SRGAP3: variants seen among roughly 807,000 people sequenced by gnomAD.
SRGAP3 encodes SLIT-ROBO Rho GTPase-activating protein 3.
A neutral mutation model predicts 121.1 loss-of-function variants in SRGAP3; 39 were observed. The ratio of observed to expected loss-of-function variants is 0.32; its 90% CI spans 0.25 to 0.42. SRGAP3 has a LOEUF of 0.42. Ranked by LOEUF, SRGAP3 falls within the 10% of genes least tolerant of loss-of-function variation. SRGAP3 has a pLI of 1.00. For synonymous variants in SRGAP3, 601 were observed against 570.0 expected, an observed-to-expected ratio of 1.05 and a Z score of -0.77; for missense variants, 1,213 against 1,470.6, an observed-to-expected ratio of 0.82 and a Z score of 2.86.
chr3:9,138,779 G>A (rs1049391100), intron 1 of SRGAP3, among the ~76,000 whole-genome samples: 1 of 152,114 alleles, frequency 6.6e-6, no homozygotes, highest in African/African-American at 2.4e-5. Flanking sequence ...TTACCTTCAG[G>A]CTATGTGTAA....
chr3:8,990,544 G>T lies in SRGAP3; in HGVS notation c.2854C>A (p.His952Asn). Residue 952 changes from histidine to asparagine, a missense_variant, in exon 21 of 22, where the codon CAC (histidine) becomes AAC (asparagine). Transcript: ENST00000383836. ...AGGGCCTCGGCCTCCAGGGACTTGT[G>T]GTCCCCTAGGCTGCTGTGCCTGGTG... ...GSTRHSSLGD[H>N]KSLEAEALAE... The T allele has an allele frequency of 6.4e-7, 1 of 1,570,584 alleles. No homozygotes were observed. The highest frequency in any genetic ancestry group is 8.6e-7 in the Non-Finnish European group (1 of 1,157,860).
chr3:9,017,874 C>A (rs1183452155), intron 14 of SRGAP3, among the ~76,000 whole-genome samples: 1 of 152,194 alleles, frequency 6.6e-6, no homozygotes, highest in Non-Finnish European at 1.5e-5. Flanking sequence ...CAAGTCCTCT[C>A]TTCTAGTTAC....
chr3:9,187,356 A>G (rs900253498), intron 1 of SRGAP3, among the ~76,000 whole-genome samples: 1 of 152,120 alleles, frequency 6.6e-6, no homozygotes, highest in African/African-American at 2.4e-5. Context: ...GCAGAGTGGT[A>G]TTTCATCACT....
At chr3:9,232,501 TTTTTATTTTTAAAACTGTAATACATAC>T (rs1953250772) in intron 1 of SRGAP3, among the ~76,000 whole-genome samples, 1 of 151,896 alleles carries the variant, frequency 6.6e-6, no homozygotes, top group Non-Finnish European at 1.5e-5. Context: ...GGACATAGGG[TTTTTATTTTTAAAACTGTAATACATAC>T]ACACACAGAC....
intron 1 of SRGAP3, among the ~76,000 whole-genome samples, chr3:9,201,505 G>A (rs558413436): frequency 1.2e-4 from 19 of 152,304 alleles, no homozygotes; most frequent in East Asian, 3.9e-4. Flanking sequence ...GAGCGTCCCC[G>A]CCCTGTGTGC....
At chr3:9,337,380 G>A (rs1955710816) in intron 1 of SRGAP3, among the ~76,000 whole-genome samples, 1 of 152,172 alleles carries the variant, frequency 6.6e-6, no homozygotes, top group African/African-American at 2.4e-5. Flanking sequence ...CTGTGGACTA[G>A]CATTTCCCAA....
chr3:9,197,094 C>G (rs545102499), intron 1 of SRGAP3, among the ~76,000 whole-genome samples: 2 of 152,212 alleles, frequency 1.3e-5, no homozygotes, highest in East Asian at 3.8e-4. Context: ...TCAGCCTCAA[C>G]GATGGTTTTC....
Position 8,983,752 on chromosome 3 carries a change from C to G in SRGAP3, c.*1767G>C, listed in dbSNP as rs1941543327. On this transcript the variant is annotated 3_prime_UTR_variant, in exon 22 of 22. Transcript: ENST00000383836. ...TTTTCCAGTGTACACAGCTTGCTCA[C>G]TGATGTTTGACCTTTATTACCCTAT... 1 of 230,460 alleles carries G rather than the reference C, an allele frequency of 4.3e-6. No homozygotes were observed. The highest frequency in any genetic ancestry group is 1.8e-4 in the South Asian group (1 of 5,504). 14.3% of individuals were successfully genotyped at this position (230,460 alleles called of 1,614,324 possible). A position where few individuals can be genotyped will look rare whatever the true frequency, so the allele number is the denominator to read the frequency against.
chr3:9,090,164 C>T lies in SRGAP3; in HGVS notation c.424-10077G>A, dbSNP rs570272229. On this transcript the variant is annotated intron_variant, in intron 3 of 21. Transcript: ENST00000383836. ...ACTGAATGAGACGGCCTTCTGAAAA[C>T]GCTCCACCAAGCATCAGCTTTCAAA... Among the ~76,000 whole-genome samples, 6 of 152,262 alleles carry T rather than the reference C, an allele frequency of 3.9e-5. No homozygotes were observed. In the South Asian group the frequency reaches 8.3e-4, roughly 21 times the overall value.
At chr3:9,262,120 A>G (rs1954268165) in intron 3 of SRGAP3, among the ~76,000 whole-genome samples, 1 of 152,166 alleles carries the variant, frequency 6.6e-6, no homozygotes, top group South Asian at 2.1e-4. Context: ...AAGCTTCATA[A>G]GAGAAGGAGA....
chr3:8,995,357 T>C (rs968365973), intron 18 of SRGAP3, among the ~76,000 whole-genome samples: 4 of 152,144 alleles, frequency 2.6e-5, no homozygotes, highest in African/African-American at 9.7e-5. Flanking sequence ...GTGCCTGTGG[T>C]GCCAGCTACT....
At chr3:9,267,188 T>C (rs1196731400) in intron 3 of SRGAP3, among the ~76,000 whole-genome samples, 2 of 152,178 alleles carry the variant, frequency 1.3e-5, no homozygotes, top group Non-Finnish European at 2.9e-5. Context: ...CCCACAGCAA[T>C]AAGACTTCTA....
chr3:9,017,664 G>A (rs1051255989), intron 14 of SRGAP3, among the ~76,000 whole-genome samples: 3 of 152,136 alleles, frequency 2.0e-5, no homozygotes, highest in Admixed American at 1.3e-4. Context: ...CTGAAGTAAC[G>A]TTATGATGAT....
chr3:9,361,911 T>C (rs544061370), intron 1 of SRGAP3, among the ~76,000 whole-genome samples: 1 of 152,308 alleles, frequency 6.6e-6, no homozygotes, highest in South Asian at 2.1e-4. Context: ...TACCCTTGGA[T>C]CATGCTAAGG....
At chr3:9,034,275 A>C (rs756863996) in intron 11 of SRGAP3, 14 of 152,250 alleles carry the variant, frequency 9.2e-5, no homozygotes, top group African/African-American at 3.1e-4. Flanking sequence ...GGCTTGGTTC[A>C]AAATTTGGGT....
rs146929657 is a variant in SRGAP3, at chr3:9,084,674, C to G, written c.424-4587G>C. Among the ~76,000 whole-genome samples the G allele has an allele frequency of 8.5e-5, 13 of 152,268 alleles. No individual in the cohort carries two copies. In the East Asian group the frequency reaches 2.5e-3, roughly 29 times the overall value. On this transcript the variant is annotated intron_variant, in intron 3 of 21. Coordinates refer to ENST00000383836, the MANE Select transcript of SRGAP3 (RefSeq NM_014850.4). ...AGTCCTATTTTCCACTACCAGTTCCCGTAGCAAGCATATCATCACCACAGA... is the reference window on the plus strand; with the variant it reads ...AGTCCTATTTTCCACTACCAGTTCCGGTAGCAAGCATATCATCACCACAGA...
chr3:9,236,927 T>C (rs928896750), intron 1 of SRGAP3, among the ~76,000 whole-genome samples: 1 of 152,188 alleles, frequency 6.6e-6, no homozygotes, highest in Non-Finnish European at 1.5e-5. Flanking sequence ...TGTCCCCATC[T>C]CAGACACATA....
At chr3:9,251,766 G>T (rs536651863), upstream of SRGAP3, among the ~76,000 whole-genome samples, 43 of 152,316 alleles carry the variant, frequency 2.8e-4, no homozygotes, top group African/African-American at 9.6e-4. Context: ...AGATGGTATA[G>T]CGCTCTGAGC....
At chr3:9,168,254 A>T (rs148818751) in intron 1 of SRGAP3, among the ~76,000 whole-genome samples, 1 of 152,346 alleles carries the variant, frequency 6.6e-6, no homozygotes, top group East Asian at 1.9e-4. Context: ...CTTTGCTTGG[A>T]TCTGGACAAA....
Sources: gnomAD v4.1 joint callset for allele counts (sites outside exome capture counted in the v4.1 genomes callset) on GRCh38, gnomAD v4.1.1 for gene constraint, MANE v1.5 for transcripts, NCBI Gene and HGNC (gene_info 2026-07-23, HGNC 2026-07-21) for gene names.